Variants in PRCD observed in about 807,000 individuals in gnomAD.
PRCD encodes the protein photoreceptor disc component, also known as photoreceptor disk component PRCD.
Under a neutral mutation model 10.1 loss-of-function variants are expected in PRCD, and 12 were observed. The ratio of observed to expected loss-of-function variants is 1.18; its 90% CI spans 0.76 to 1.92. The LOEUF is 1.92. Ranked by LOEUF, PRCD falls within the 40% of genes most tolerant of loss-of-function variation. The probability of loss-of-function intolerance (pLI) is 0.00; values close to 1 mark genes in which losing one functional copy is unlikely to be tolerated. For missense variants in PRCD, 61 were observed against 72.2 expected (o/e 0.84, Z 0.56); for synonymous variants, 31 against 26.2 (o/e 1.18, Z -0.56).
chr17:76,540,461 T>C lies in PRCD; in HGVS notation c.75-44T>C, dbSNP rs755599869. 8 of 1,603,204 alleles carry C rather than the reference T, an allele frequency of 5.0e-6. No individual in the cohort carries two copies. In the African/African-American group the frequency reaches 1.1e-4, roughly 21 times the overall value. On this transcript the variant is annotated intron_variant, in intron 1 of 4. Coordinates refer to ENST00000592014, the MANE Select transcript of PRCD (RefSeq NM_001077620.3). The surrounding 1 kb of genome is among the most constrained non-coding windows in gnomAD (Gnocchi z 5.0). ...GACCTGTGGAGGGACAGTGAGGGGC[T>C]GGGCACAGCCATAGCTCTTCCTCCC... is the stretch of plus-strand genomic sequence containing the variant.
upstream of PRCD, chr17:76,538,438 C>T (rs2074948787): frequency 6.5e-6 from 3 of 464,248 alleles, no homozygotes; most frequent in South Asian, 3.1e-5. Context: ...CCAGCACCTC[C>T]ATGCCCTCGG....
At chr17:76,548,250 TCA>T (rs1567915874), downstream of PRCD, among the ~76,000 whole-genome samples, 1 of 151,276 alleles carries the variant, frequency 6.6e-6, no homozygotes, top group South Asian at 2.1e-4. Flanking sequence ...ATACACACAG[TCA>T]CACACACAGA....
chr17:76,527,903 T>C, intron 1 of PRCD: 3 of 430,046 alleles, frequency 7.0e-6, no homozygotes, highest in South Asian at 4.9e-5. Context: ...TTCAGGAATG[T>C]GGGGAGCTGG....
In PRCD at chr17:76,533,016, C is replaced by G. The variant is rs1166284343; in HGVS notation, n.45+5183C>G. Among the ~76,000 whole-genome samples, 1 of 152,224 alleles carries G rather than the reference C, an allele frequency of 6.6e-6. No individual in the cohort carries two copies. The highest frequency in any genetic ancestry group is 1.9e-4 in the East Asian group (1 of 5,200). On this transcript the variant is annotated intron_variant and non_coding_transcript_variant, in intron 1 of 4. Transcript: ENST00000397633. The surrounding 1 kb of genome is among the most constrained non-coding windows in gnomAD (Gnocchi z 4.5). ...GTGTCCCCTTTGCGATCAGAGAGAG[C>G]TGATAATTTGCGGAAGTAGCCCTTT...
chr17:76,549,414 A>G (rs2075086261), downstream of PRCD, among the ~76,000 whole-genome samples: 1 of 152,244 alleles, frequency 6.6e-6, no homozygotes, highest in Non-Finnish European at 1.5e-5. Flanking sequence ...TCCACATGCA[A>G]ATCAAAAGCC....
upstream of PRCD, among the ~76,000 whole-genome samples, chr17:76,536,884 A>AC (rs1223186848): frequency 4.0e-5 from 6 of 151,584 alleles, no homozygotes; most frequent in South Asian, 4.2e-4. Context: ...GGAACACTGG[A>AC]CCCCCCGGGC....
rs777880280 is a variant in PRCD, at chr17:76,544,192, A to AC, written c.*548dup. On this transcript the variant is annotated 3_prime_UTR_variant, in exon 5 of 5. Transcript: ENST00000592014. The stretch of plus-strand genomic sequence containing the variant: ...GTCTCACAGCTATTAGTCTTCAAAA[A>AC]CCCCCCGTGCCTCTGTGCACACGCG... 14 of 449,430 alleles carry AC rather than the reference A, an allele frequency of 3.1e-5. No homozygotes were observed. The highest frequency in any genetic ancestry group is 7.0e-5 in the East Asian group (1 of 14,256). 27.8% of individuals were successfully genotyped at this position (449,430 alleles called of 1,614,324 possible). A position where few individuals can be genotyped will look rare whatever the true frequency, so the allele number is the denominator to read the frequency against.
rs1381448366 is a variant in PRCD, at chr17:76,544,724, G to A, written c.*1074G>A. The A allele has an allele frequency of 2.2e-6, 1 of 456,798 alleles. No individual in the cohort carries two copies. Among genetic ancestry groups the A allele is most frequent in the African/African-American group, 2.0e-5 (1 of 50,216 alleles). 28.3% of individuals were successfully genotyped at this position (456,798 alleles called of 1,614,324 possible). ...GGGCACTGTTCCCGGGACCCAGTCT[G>A]TGTTCCCCGATCCTATCTGCATTTA... is the stretch of plus-strand genomic sequence containing the variant. On this transcript the variant is annotated 3_prime_UTR_variant, in exon 5 of 5. Transcript: ENST00000592014.
rs764979648 is a variant in PRCD at position 76,531,737 on chromosome 17, G to A, written n.45+3904G>A. On this transcript the variant is annotated intron_variant and non_coding_transcript_variant, in intron 1 of 4. Coordinates refer to the PRCD transcript ENST00000397633. This position sits in a 1 kb window ranked among gnomAD's most constrained non-coding sequence, Gnocchi z 7.4. ...GGTCGCTGAAGCTGGAGGCTGCCTC[G>A]GGCCCACCCTGAAGCTTCCAGGATA... The A allele has an allele frequency of 1.9e-5, 29 of 1,516,178 alleles. No homozygotes were observed. The African/African-American group carries it at 2.2e-4, about 11-fold the overall frequency. 93.9% of individuals were successfully genotyped at this position (1,516,178 alleles called of 1,614,324 possible). A position where few individuals can be genotyped will look rare whatever the true frequency, so the allele number is the denominator to read the frequency against.
chr17:76,532,973 G>T (rs1031458239), intron 1 of PRCD, among the ~76,000 whole-genome samples: 18 of 152,336 alleles, frequency 1.2e-4, no homozygotes, highest in Non-Finnish European at 1.3e-4. Flanking sequence ...GTTCTTCCAG[G>T]TTGTTCTGCC....
At chr17:76,529,025 C>A (rs935154061) in intron 1 of PRCD, 3 of 972,784 alleles carry the variant, frequency 3.1e-6, no homozygotes, top group African/African-American at 1.8e-5. Flanking sequence ...GTACACACAG[C>A]GCCCCCTGCA....
At chr17:76,527,794 C>T in exon 1 of PRCD, 2 of 453,996 alleles carry the variant, frequency 4.4e-6, no homozygotes, top group Non-Finnish European at 8.8e-6. Context: ...GTCATCCCAC[C>T]CAGAACTTCG....
In PRCD at chr17:76,531,292, T is replaced by C. The variant is rs1276044964; in HGVS notation, n.45+3459T>C. The stretch of plus-strand genomic sequence containing the variant: ...GAACCCCGTGCTCTCAGGACAAGGG[T>C]TGCCCTGGACCCAGCCCCTCCATCC... On this transcript the variant is annotated intron_variant and non_coding_transcript_variant, in intron 1 of 4. Transcript: ENST00000397633. The surrounding 1 kb of genome is among the most constrained non-coding windows in gnomAD (Gnocchi z 7.4). 3 of 1,210,532 alleles carry C rather than the reference T, an allele frequency of 2.5e-6. No homozygotes were observed. Among genetic ancestry groups the C allele is most frequent in the Non-Finnish European group, 3.5e-6 (3 of 867,798 alleles). 75.0% of individuals were successfully genotyped at this position (1,210,532 alleles called of 1,614,324 possible).
At position 76,531,615 on chromosome 17, in the gene PRCD, G is replaced by T; in HGVS notation, n.45+3782G>T. The T allele has an allele frequency of 1.2e-6, 2 of 1,613,448 alleles. No homozygotes were observed. Among genetic ancestry groups the T allele is most frequent in the Non-Finnish European group, 1.7e-6 (2 of 1,179,406 alleles). On this transcript the variant is annotated intron_variant and non_coding_transcript_variant, in intron 1 of 4. Transcript: ENST00000397633. The surrounding 1 kb of genome is among the most constrained non-coding windows in gnomAD (Gnocchi z 7.4). ...GCGTGCTTCCGCAGCTGGGGGCTCC[G>T]CTCCATCTCCAGGGGATCCTCCATG...
At chr17:76,549,683 G>A (rs1013271205), downstream of PRCD, among the ~76,000 whole-genome samples, 1 of 152,162 alleles carries the variant, frequency 6.6e-6, no homozygotes, top group South Asian at 2.1e-4. Context: ...AATATTCCTC[G>A]ACGTGGGAAC....
chr17:76,529,800 T>G, intron 1 of PRCD: 1 of 985,266 alleles, frequency 1.0e-6, no homozygotes, highest in Non-Finnish European at 1.2e-6. Flanking sequence ...TGTTTCCCAT[T>G]GACTCCCAGG....
At chr17:76,537,326 G>T (rs528315736), upstream of PRCD, 21 of 1,444,370 alleles carry the variant, frequency 1.5e-5, no homozygotes, top group Admixed American at 1.0e-4. Context: ...CTCGGACCCG[G>T]GCCCAGCCCT....
At chr17:76,549,583 C>T (rs192661634), downstream of PRCD, among the ~76,000 whole-genome samples, 171 of 152,310 alleles carry the variant, frequency 1.1e-3, 1 homozygote, top group African/African-American at 3.9e-3. Flanking sequence ...AAAGTTATCC[C>T]AGAGGAATGA....
At chr17:76,545,517 C>T, downstream of PRCD, 3 of 382,774 alleles carry the variant, frequency 7.8e-6, 1 homozygote, top group Non-Finnish European at 1.6e-5. Flanking sequence ...GGGTGGGGTC[C>T]CTTCTGGTCT....
Sources: allele counts gnomAD v4.1 joint callset (sites outside exome capture counted in the v4.1 genomes callset), GRCh38; gene constraint gnomAD v4.1.1; non-coding constraint Gnocchi (gnomAD v3.1); transcripts MANE v1.5; gene names NCBI Gene and HGNC (gene_info 2026-07-23, HGNC 2026-07-21).